The following WDHD1 variants were observed in gnomAD, a reference collection of about 807,000 sequenced individuals.
WDHD1 encodes WD repeat and HMG-box DNA binding protein 1, also known as WD repeat and HMG-box DNA-binding protein 1.
WDHD1 carries 111 observed loss-of-function variants against 135.4 expected under a neutral mutation model. That is an observed-to-expected ratio of 0.82 (90% CI 0.70 to 0.96). The LOEUF (loss-of-function observed/expected upper bound fraction) is 0.96, where lower values mean the gene tolerates loss of function less well. WDHD1 is among the 40% of genes least tolerant of loss of function. The pLI, the probability that WDHD1 is intolerant of heterozygous loss-of-function variation, is 0.00. For missense variants in WDHD1, 1,351 were observed against 1,336.3 expected, an observed-to-expected ratio of 1.01 and a Z score of -0.17; for synonymous variants, 434 against 439.0, an observed-to-expected ratio of 0.99 and a Z score of 0.14.
At position 54,984,862 on chromosome 14, in the gene WDHD1, T is replaced by A; in HGVS notation, c.1769-2A>T. ...ACTGATCCCCATCAAATCCTGTACC[T>A]AATGAGAAAATGTAAATATAAATCA... On this transcript the variant is annotated splice_acceptor_variant, in intron 14 of 25. Coordinates refer to ENST00000360586, the MANE Select transcript of WDHD1 (RefSeq NM_007086.4). LOFTEE classifies it high-confidence loss of function. The A allele has an allele frequency of 6.2e-7, 1 of 1,608,324 alleles. No homozygotes were observed. Among genetic ancestry groups the A allele is most frequent in the East Asian group, 2.2e-5 (1 of 44,688 alleles).
intron 2 of WDHD1, among the ~76,000 whole-genome samples, chr14:55,022,971 C>G (rs982414382): frequency 2.0e-5 from 3 of 151,722 alleles, no homozygotes; most frequent in Non-Finnish European, 4.4e-5. Flanking sequence ...ATTACAGGTG[C>G]CTGCCACTGT....
In WDHD1 at chr14:54,939,983, T is replaced by G. The variant is rs958737222; in HGVS notation, c.*1507A>C. On this transcript the variant is annotated 3_prime_UTR_variant, in exon 26 of 26. Transcript: ENST00000360586. The stretch of plus-strand genomic sequence containing the variant: ...AATGTACTATAAATAAACCTTTACT[T>G]AAGATCTTGAAATCAAAATTAGTTT... The G allele has an allele frequency of 6.6e-6, 1 of 152,316 alleles. No homozygotes were observed. Among genetic ancestry groups the G allele is most frequent in the East Asian group, 1.9e-4 (1 of 5,190 alleles). The allele number at this position is 152,316 out of a possible 1,614,324, so 9.4% of individuals were successfully genotyped here. A position where few individuals can be genotyped will look rare whatever the true frequency, so the allele number is the denominator to read the frequency against.
rs1487297379 is a variant in WDHD1 at position 54,989,017 on chromosome 14, C to A, written c.1526+11G>T. 1.9e-6 allele frequency: 3 copies of A among 1,601,040 alleles called. No homozygotes were observed. Among genetic ancestry groups the A allele is most frequent in the Admixed American group, 3.4e-5 (2 of 58,832 alleles). ...ACAGTGCCAAATTCTTCCTAATAAT[C>A]TTGAGTTTACCTTGCTAGTTCATCA... On this transcript the variant is annotated intron_variant, in intron 13 of 25. Coordinates refer to ENST00000360586, the MANE Select transcript of WDHD1 (RefSeq NM_007086.4).
At chr14:54,990,467 G>A (rs1369490252) in intron 12 of WDHD1, among the ~76,000 whole-genome samples, 3 of 151,898 alleles carry the variant, frequency 2.0e-5, no homozygotes, top group Admixed American at 6.6e-5. Flanking sequence ...ATGGTGGCAG[G>A]CACCTGTAGT....
Position 54,963,184 on chromosome 14 carries a change from AGGGGG to A in WDHD1, c.2311-17_2311-13del, listed in dbSNP as rs34874701. The stretch of plus-strand genomic sequence containing the variant: ...AGTTTACAAGAAAGCTAATCCAAAA[AGGGGG>A]GGGGGGGGGAGATCAAATAACATCA... On this transcript the variant is annotated splice_polypyrimidine_tract_variant and intron_variant, in intron 18 of 25. Coordinates refer to ENST00000360586, the MANE Select transcript of WDHD1 (RefSeq NM_007086.4). 8.0e-5 allele frequency: 14 copies of A among 174,866 alleles called. No individual in the cohort carries two copies. The highest frequency in any genetic ancestry group is 1.4e-4 in the East Asian group (1 of 6,968). 10.8% of individuals were successfully genotyped at this position (174,866 alleles called of 1,614,324 possible). A position where few individuals can be genotyped will look rare whatever the true frequency, so the allele number is the denominator to read the frequency against.
intron 13 of WDHD1, among the ~76,000 whole-genome samples, chr14:54,988,736 TA>T (rs10715034): frequency 0.44 from 59,399 of 135,842 alleles, 13,391 homozygotes; most frequent in African/African-American, 0.64. Context: ...CTTATAATAG[TA>T]AAAAAAAAAA....
chr14:55,005,028 T>C (rs775918333), intron 7 of WDHD1: 9 of 545,652 alleles, frequency 1.6e-5, no homozygotes, highest in Non-Finnish European at 2.9e-5. Context: ...CTGAAATTCC[T>C]CCTTGGTCAC....
At position 54,984,796 on chromosome 14, in the gene WDHD1, T is replaced by C. The variant is rs1482348360; in HGVS notation, c.1833A>G (p.Lys611=). The stretch of plus-strand genomic sequence containing the variant: ...GAAGAGGGTCACCATGCAAAATTTG[T>C]TTTTTCTTTTTCCCCAGCTCTAGCA... The part of the protein sequence containing the change: ...VQLLELGKKK[K]QILHGDPLPL... Residue 611 remains lysine (K), a synonymous_variant, in exon 15 of 26, where the codon AAA becomes AAG. Transcript: ENST00000360586. 1.2e-6 allele frequency: 2 copies of C among 1,613,994 alleles called. No individual in the cohort carries two copies. Among genetic ancestry groups the C allele is most frequent in the Admixed American group, 3.3e-5 (2 of 59,994 alleles).
At chr14:55,001,292 G>A (rs1489404863) in intron 8 of WDHD1, among the ~76,000 whole-genome samples, 3 of 152,052 alleles carry the variant, frequency 2.0e-5, no homozygotes, top group Admixed American at 6.6e-5. Context: ...TCAGGGTCTT[G>A]CTCTGCCACC....
chr14:54,978,613 C>T lies in WDHD1; in HGVS notation c.2063+2927G>A, dbSNP rs138189016. On this transcript the variant is annotated intron_variant, in intron 16 of 25. Transcript: ENST00000360586. ...AAAAAAAAAACCGTTAATGAATATACTTCTTCTGATACTAAATATGTCAAT... is the reference window on the plus strand; with the variant it reads ...AAAAAAAAAACCGTTAATGAATATATTTCTTCTGATACTAAATATGTCAAT... 1.8e-3 allele frequency among the ~76,000 whole-genome samples: 269 copies of T among 151,816 alleles called. 1 individual carries two copies. The highest frequency in any genetic ancestry group is 6.3e-3 in the African/African-American group (261 of 41,406).
At chr14:55,008,793 ATTTC>A (rs1387737147) in intron 4 of WDHD1, 74 bp from the exon 5 acceptor site, 24 of 1,029,530 alleles carry the variant, frequency 2.3e-5, no homozygotes, top group Non-Finnish European at 2.2e-5. Flanking sequence ...TGATCCAAAT[ATTTC>A]TTTTTTTTTT....
rs1318063585 is a variant in WDHD1, at chr14:54,940,815, T to C, written c.*675A>G. 2 of 152,140 alleles carry C rather than the reference T, an allele frequency of 1.3e-5. No homozygotes were observed. Among genetic ancestry groups the C allele is most frequent in the Non-Finnish European group, 2.9e-5 (2 of 68,038 alleles). The allele number at this position is 152,140 out of a possible 1,614,324, so 9.4% of individuals were successfully genotyped here. A position where few individuals can be genotyped will look rare whatever the true frequency, so the allele number is the denominator to read the frequency against. ...AAAATGGGGGTGGTGGTAGAAATTA[T>C]GGTAGTAAATATATATTTTCTAGAA... On this transcript the variant is annotated 3_prime_UTR_variant, in exon 26 of 26. Coordinates refer to ENST00000360586, the MANE Select transcript of WDHD1 (RefSeq NM_007086.4).
At chr14:54,944,232 A>G (rs1488075862) in intron 25 of WDHD1, 100 bp downstream of exon 25, 3 of 1,478,562 alleles carry the variant, frequency 2.0e-6, no homozygotes, top group Non-Finnish European at 9.2e-7. Context: ...TGCTAGGATT[A>G]CAGGCATAAG....
In WDHD1 at chr14:55,001,742, T is replaced by C. The variant is rs78246942; in HGVS notation, c.693+351A>G. On this transcript the variant is annotated intron_variant, in intron 8 of 25. Transcript: ENST00000360586. ...TTCCTTAACTGTAAATATCTACGCA[T>C]GTAAGAGACAGAGAAAACAGACCAA... 1.5e-4 allele frequency among the ~76,000 whole-genome samples: 23 copies of C among 152,326 alleles called. No homozygotes were observed. The East Asian group carries it at 3.7e-3, about 24-fold the overall frequency.
chr14:54,984,116 T>G (rs529665013), intron 15 of WDHD1, among the ~76,000 whole-genome samples: 2 of 152,336 alleles, frequency 1.3e-5, no homozygotes, highest in Non-Finnish European at 2.9e-5. Context: ...CAACTTATTA[T>G]TGATTTGTAT....
chr14:54,950,301 C>A (rs1466198174), intron 24 of WDHD1, among the ~76,000 whole-genome samples: 15 of 152,122 alleles, frequency 9.9e-5, no homozygotes, highest in Non-Finnish European at 2.2e-4. Flanking sequence ...GGAGGAAGAT[C>A]TACCAAGCAA....
intron 3 of WDHD1, among the ~76,000 whole-genome samples, chr14:55,010,854 A>G (rs763482681): frequency 9.2e-5 from 14 of 152,256 alleles, no homozygotes; most frequent in Admixed American, 2.0e-4. Context: ...CCACTGCCCT[A>G]TGTTTCCACA....
chr14:54,988,046 A>C (rs1595096151), intron 13 of WDHD1, among the ~76,000 whole-genome samples: 1 of 152,222 alleles, frequency 6.6e-6, no homozygotes, highest in African/African-American at 2.4e-5. Context: ...AAAAGCTGAA[A>C]AAATATTTTC....
chr14:54,985,984 C>A (rs1004311176), intron 14 of WDHD1, among the ~76,000 whole-genome samples: 3 of 152,136 alleles, frequency 2.0e-5, no homozygotes, highest in Non-Finnish European at 4.4e-5. Flanking sequence ...CAAATTAAGT[C>A]TGAAATGTCT....
Sources: allele counts gnomAD v4.1 joint callset (sites outside exome capture counted in the v4.1 genomes callset), GRCh38; gene constraint gnomAD v4.1.1; transcripts MANE v1.5; gene names NCBI Gene and HGNC (gene_info 2026-07-23, HGNC 2026-07-21).